ACAP3: variants seen among roughly 807,000 people sequenced by gnomAD.
ACAP3 encodes the protein ArfGAP with coiled-coil, ankyrin repeat and PH domains 3.
ACAP3 carries 56 observed loss-of-function variants against 104.1 expected under a neutral mutation model. The observed-to-expected ratio is 0.54, with a 90% confidence interval of 0.43 to 0.67. ACAP3 has a LOEUF of 0.67. ACAP3 is among the 30% of genes least tolerant of loss of function. ACAP3 has a pLI of 0.00. For synonymous variants in ACAP3, 628 were observed against 496.2 expected (o/e 1.27, Z -3.53); for missense variants, 1,208 against 1,174.9 (o/e 1.03, Z -0.41).
At chr1:1,294,961 G>T in intron 19 of ACAP3, 145 bp from the exon 20 acceptor site, 1 of 727,358 alleles carries the variant, frequency 1.4e-6, no homozygotes, top group Non-Finnish European at 2.3e-6. Flanking sequence ...GGGGGAGCCA[G>T]CTGCAGGCTA....
rs760502036 is a variant in ACAP3 at position 1,294,611 on chromosome 1, C to T, written c.1930G>A (p.Glu644Lys). 2.4e-5 allele frequency: 37 copies of T among 1,528,722 alleles called. No individual in the cohort carries two copies. The highest frequency in any genetic ancestry group is 1.4e-4 in the African/African-American group (10 of 72,496). The allele number at this position is 1,528,722 out of a possible 1,614,324, so 94.7% of individuals were successfully genotyped here. A position where few individuals can be genotyped will look rare whatever the true frequency, so the allele number is the denominator to read the frequency against. ...VTEEEGAESE[E>K]SSGEADGDTE... ...TCCCCGTCTGCCTCACCGCTGGACT[C>T]CTCCGACTCTGCACCCTCTGTGGGG... The change falls in exon 21 of 24, where the codon GAG (glutamate) becomes AAG (lysine). Residue 644 changes from glutamate (E) to lysine (K), a missense_variant. Glu to Lys is a moderately conservative substitution (Grantham distance 56). Transcript: ENST00000354700.
At chr1:1,299,655 G>A (rs1033381725) in intron 9 of ACAP3, 176 bp downstream of exon 9, 26 of 796,548 alleles carry the variant, frequency 3.3e-5, no homozygotes, top group Middle Eastern at 7.2e-4. Context: ...CCACCCACAC[G>A]TGCCCCTCCA....
chr1:1,300,509 C>G lies in ACAP3; in HGVS notation c.522G>C (p.Gln174His). 6.2e-7 allele frequency: 1 copy of G among 1,608,228 alleles called. No homozygotes were observed. The highest frequency in any genetic ancestry group is 8.5e-7 in the Non-Finnish European group (1 of 1,178,326). ...CCCCCAGCCCATTTCTGGGGCTGAC[C>G]TGGAGCACATAGTCCAGTGCCAGGT... ...FRHLALDYVL[Q>H]INVLQAKKKF... The change falls in exon 6 of 24, where the codon CAG (glutamine) becomes CAC (histidine). Residue 174 changes from glutamine (Q) to histidine (H), a missense_variant and splice_region_variant. Gln to His is a conservative substitution (Grantham distance 24, BLOSUM62 0). Coordinates refer to ENST00000354700, the MANE Select transcript of ACAP3 (RefSeq NM_030649.3).
In ACAP3 at chr1:1,306,823, G is replaced by A. The variant is rs534416401; in HGVS notation, c.47+946C>T. On this transcript the variant is annotated intron_variant, in intron 1 of 23. Transcript: ENST00000354700. ...CTAGTGATGGAACACGCGTGTACAAGGTGATGTGTCTATTGCTGACATGGC... is the reference window on the plus strand; with the variant it reads ...CTAGTGATGGAACACGCGTGTACAAAGTGATGTGTCTATTGCTGACATGGC... Among the ~76,000 whole-genome samples, 10 of 152,384 alleles carry A rather than the reference G, an allele frequency of 6.6e-5. No individual in the cohort carries two copies. In the South Asian group the frequency reaches 1.9e-3, roughly 28 times the overall value.
rs575827433 is a variant in ACAP3, at chr1:1,296,736, C to T, written c.1129-103G>A. On this transcript the variant is annotated intron_variant, in intron 14 of 23. Coordinates refer to ENST00000354700, the MANE Select transcript of ACAP3 (RefSeq NM_030649.3). Reference sequence around the variant, plus strand: ...CAGAAGAGCCAATGCAGGCCAGGGCCCCTCGAGCACACGCCCGCACACGCA... The same window carrying T: ...CAGAAGAGCCAATGCAGGCCAGGGCTCCTCGAGCACACGCCCGCACACGCA... The T allele has an allele frequency of 5.7e-5, 72 of 1,258,254 alleles. 1 individual carries two copies. The South Asian group carries it at 8.9e-4, about 16-fold the overall frequency. The allele number at this position is 1,258,254 out of a possible 1,614,324, so 77.9% of individuals were successfully genotyped here.
At chr1:1,302,110 C>A in intron 4 of ACAP3, 64 bp from the exon 5 acceptor site, 1 of 1,346,842 alleles carries the variant, frequency 7.4e-7, no homozygotes, top group Non-Finnish European at 9.8e-7. Context: ...ATGGAAGGCC[C>A]CATCCTCACC....
At position 1,295,926 on chromosome 1, in the gene ACAP3, C is replaced by T. The variant is rs760778663; in HGVS notation, c.1515G>A (p.Glu505=). Residue 505 remains glutamate (E), a synonymous_variant, in exon 18 of 24, where the codon GAG becomes GAA. Coordinates refer to ENST00000354700, the MANE Select transcript of ACAP3 (RefSeq NM_030649.3). ...CCACGTATTTGTCCTTGATCCAGGC[C>T]TCCTTGTCCTGCCTGGACCAGGGGG... ...PTASSSRQDK[E]AWIKDKYVEK... 3 of 1,612,500 alleles carry T rather than the reference C, an allele frequency of 1.9e-6. No individual in the cohort carries two copies. The highest frequency in any genetic ancestry group is 1.7e-6 in the Non-Finnish European group (2 of 1,179,950).
chr1:1,299,340 C>A lies in ACAP3; in HGVS notation c.750+5G>T. The A allele has an allele frequency of 6.3e-7, 1 of 1,591,174 alleles. No homozygotes were observed. The highest frequency in any genetic ancestry group is 1.1e-5 in the South Asian group (1 of 88,366). On this transcript the variant is annotated splice_donor_5th_base_variant and intron_variant, in intron 10 of 23. Coordinates refer to ENST00000354700, the MANE Select transcript of ACAP3 (RefSeq NM_030649.3). Reference sequence around the variant, plus strand: ...ACAGCCCGCCCAGGGCCCGTGCTCACTTACCTGCAGCAGCGTCTGGAGGGC... The same window carrying A: ...ACAGCCCGCCCAGGGCCCGTGCTCAATTACCTGCAGCAGCGTCTGGAGGGC...
Position 1,295,465 on chromosome 1 carries a change from C to A in ACAP3, c.1795G>T (p.Ala599Ser). ...CACTTACTGCGAGGGCCAGCCCCTGCGGCCCCTGCGTCGAAGTAGGAGAAG... is the reference window on the plus strand; with the variant it reads ...CACTTACTGCGAGGGCCAGCCCCTGAGGCCCCTGCGTCGAAGTAGGAGAAG... Reference protein sequence around the residue: ...SLFSYFDAGAAGAGPRSLSSD... With the variant: ...SLFSYFDAGASGAGPRSLSSD... Residue 599 changes from alanine to serine, a missense_variant, in exon 19 of 24, where the codon GCA becomes TCA. Transcript: ENST00000354700. 6.2e-7 allele frequency: 1 copy of A among 1,612,446 alleles called. No homozygotes were observed. The highest frequency in any genetic ancestry group is 1.1e-5 in the South Asian group (1 of 91,066).
At chr1:1,304,223 A>AG in intron 1 of ACAP3, 80 bp from the exon 2 acceptor site, 1 of 1,502,192 alleles carries the variant, frequency 6.7e-7, no homozygotes, top group South Asian at 1.2e-5. Context: ...CACCTCCCTG[A>AG]GGGGCTCCAC....
chr1:1,295,391 C>G (rs1641080748), intron 19 of ACAP3, 56 bp downstream of exon 19: 1 of 1,534,788 alleles, frequency 6.5e-7, no homozygotes, highest in Non-Finnish European at 9.0e-7. Flanking sequence ...AGGCACCCTT[C>G]AGGCCAGCCT....
Position 1,299,842 on chromosome 1 carries a change from T to G in ACAP3, c.727A>C (p.Ile243Leu), listed in dbSNP as rs1641367120. 2 of 1,550,656 alleles carry G rather than the reference T, an allele frequency of 1.3e-6. No individual in the cohort carries two copies. Among genetic ancestry groups the G allele is most frequent in the Non-Finnish European group, 1.7e-6 (2 of 1,146,872 alleles). Residue 243 changes from isoleucine to leucine, a missense_variant, in exon 9 of 24, where the codon ATC becomes CTC. Transcript: ENST00000354700. ...KREMERKHAA[I>L]QQRTLLQDFS... ...CTGCGCGGCCTCACCCGCTGCTGGA[T>G]GGCGGCGTGCTTTCGCTCCATCTCA...
At chr1:1,300,402 C>G (rs1046627040) in intron 6 of ACAP3, 107 bp downstream of exon 6, 48 of 1,336,254 alleles carry the variant, frequency 3.6e-5, no homozygotes, top group Non-Finnish European at 4.9e-5. Flanking sequence ...ATGGGCAAAG[C>G]AAGAATCGTC....
Position 1,296,231 on chromosome 1 carries a change from A to G in ACAP3, c.1387T>C (p.Trp463Arg). ...CGCACCTTTAGCAGCTCAGGCTCCC[A>G]CGAGTCCAGCGTCAGGGACCGCACC... Reference protein sequence around the residue: ...SKVRSLTLDSWEPELLKLMCE... With the variant: ...SKVRSLTLDSREPELLKLMCE... Residue 463 changes from tryptophan (W) to arginine (R), a missense_variant, in exon 16 of 24, where the codon TGG becomes CGG. By Grantham distance (101) the Trp-to-Arg change is moderately radical. Coordinates refer to ENST00000354700, the MANE Select transcript of ACAP3 (RefSeq NM_030649.3). 1 of 1,567,788 alleles carries G rather than the reference A, an allele frequency of 6.4e-7. No individual in the cohort carries two copies. The highest frequency in any genetic ancestry group is 8.7e-7 in the Non-Finnish European group (1 of 1,156,034).
At chr1:1,299,236 G>T in intron 10 of ACAP3, 109 bp downstream of exon 10, 1 of 1,386,938 alleles carries the variant, frequency 7.2e-7, no homozygotes, top group Non-Finnish European at 1.0e-6. Flanking sequence ...GCCGAGACTG[G>T]TGGGAGGTGT....
intron 20 of ACAP3, 34 bp from the exon 21 acceptor site, chr1:1,294,662 C>T (rs1301054339): frequency 1.9e-6 from 3 of 1,539,198 alleles, no homozygotes; most frequent in South Asian, 1.2e-5. Flanking sequence ...AAAGCAACCC[C>T]CGGGGCTGCC....
chr1:1,303,975 T>C lies in ACAP3; in HGVS notation c.105+111A>G. The C allele has an allele frequency of 7.6e-7, 1 of 1,320,486 alleles. No individual in the cohort carries two copies. The allele number at this position is 1,320,486 out of a possible 1,614,324, so 81.8% of individuals were successfully genotyped here. On this transcript the variant is annotated intron_variant, in intron 2 of 23. Coordinates refer to ENST00000354700, the MANE Select transcript of ACAP3 (RefSeq NM_030649.3). The surrounding 1 kb of genome is among the most constrained non-coding windows in gnomAD (Gnocchi z 4.0). ...ACCAGGACCTGGAGCACCACACGCA[T>C]GCTCCACATATGGGGGGTGTAAGTG...
chr1:1,293,501 G>C lies in ACAP3; in HGVS notation c.*63C>G, dbSNP rs1442444904. 4 of 1,360,656 alleles carry C rather than the reference G, an allele frequency of 2.9e-6. No homozygotes were observed. In the African/African-American group the frequency reaches 4.7e-5, roughly 16 times the overall value. The allele number at this position is 1,360,656 out of a possible 1,614,324, so 84.3% of individuals were successfully genotyped here. A position where few individuals can be genotyped will look rare whatever the true frequency, so the allele number is the denominator to read the frequency against. ...CAGGGCCGCGGCCGGGTGGGCGCCA[G>C]GGACTTCGGGGCATGCGGGGCGTCG... On this transcript the variant is annotated 3_prime_UTR_variant, in exon 24 of 24. Coordinates refer to ENST00000354700, the MANE Select transcript of ACAP3 (RefSeq NM_030649.3).
chr1:1,297,240 CAT>C (rs1396263413), intron 14 of ACAP3, among the ~76,000 whole-genome samples: 39 of 89,630 alleles, frequency 4.4e-4, no homozygotes, highest in East Asian at 2.6e-3. Context: ...CCCGGTGGCA[CAT>C]GTGTGCACGG....
Sources: gnomAD v4.1 joint callset for allele counts (sites outside exome capture counted in the v4.1 genomes callset) on GRCh38, gnomAD v4.1.1 for gene constraint, Gnocchi (gnomAD v3.1) non-coding constraint, MANE v1.5 for transcripts, NCBI Gene and HGNC (gene_info 2026-07-23, HGNC 2026-07-21) for gene names.